TNNI3K: variants seen among roughly 807,000 people sequenced by gnomAD.
TNNI3K encodes the protein serine/threonine-protein kinase TNNI3K.
TNNI3K carries 140 observed loss-of-function variants against 114.5 expected under a neutral mutation model. The ratio of observed to expected loss-of-function variants is 1.22; its 90% CI spans 1.07 to 1.41. TNNI3K has a LOEUF of 1.41. Ranked by LOEUF, TNNI3K falls within the 40% of genes most tolerant of loss-of-function variation. TNNI3K has a pLI of 0.00. For synonymous variants in TNNI3K, 347 were observed against 347.5 expected (o/e 1.00, Z 0.02); for missense variants, 1,125 against 1,007.6 (o/e 1.12, Z -1.58).
intron 17 of TNNI3K, among the ~76,000 whole-genome samples, chr1:74,432,337 A>G (rs1298040567): frequency 6.6e-6 from 1 of 152,118 alleles, no homozygotes. Flanking sequence ...TATATAACAG[A>G]AGACTGCCTT....
intron 23 of TNNI3K, among the ~76,000 whole-genome samples, chr1:74,527,342 C>T (rs1200642578): frequency 6.6e-6 from 1 of 152,194 alleles, no homozygotes; most frequent in Admixed American, 6.5e-5. Flanking sequence ...GAGGAAACAT[C>T]ATTCATTCAT....
At chr1:74,471,913 T>C in intron 21 of TNNI3K, 1 of 499,612 alleles carries the variant, frequency 2.0e-6, no homozygotes, top group Non-Finnish European at 3.6e-6. Context: ...GATAAGAGAA[T>C]TGTTTGGCTG....
intron 23 of TNNI3K, 41 bp downstream of exon 23, chr1:74,492,307 T>C (rs199746321): frequency 1.5e-5 from 22 of 1,444,074 alleles, no homozygotes; most frequent in African/African-American, 2.8e-5. Context: ...AAAGTCTTAT[T>C]TCAGAATCTT....
chr1:74,251,687 G>A (rs1654936621), intron 4 of TNNI3K, among the ~76,000 whole-genome samples: 1 of 152,106 alleles, frequency 6.6e-6, no homozygotes, highest in African/African-American at 2.4e-5. Context: ...GTGGGAGGAG[G>A]GACAACTTTT....
chr1:74,292,239 A>G (rs1453513533), intron 5 of TNNI3K, among the ~76,000 whole-genome samples: 1 of 151,062 alleles, frequency 6.6e-6, no homozygotes, highest in East Asian at 1.9e-4. Context: ...TTTTTTAATC[A>G]ATTTCTGCTT....
chr1:74,481,508 G>T (rs536808451), intron 21 of TNNI3K, among the ~76,000 whole-genome samples: 1 of 152,314 alleles, frequency 6.6e-6, no homozygotes, highest in East Asian at 1.9e-4. Context: ...CTAGCCCCAG[G>T]CTAAAAGTTG....
chr1:74,400,123 T>G (rs1377323153), intron 17 of TNNI3K, among the ~76,000 whole-genome samples: 1 of 152,188 alleles, frequency 6.6e-6, no homozygotes, highest in African/African-American at 2.4e-5. Flanking sequence ...AAATTTATAA[T>G]GCAATCCTAT....
At chr1:74,514,601 G>A (rs1646321535) in intron 23 of TNNI3K, among the ~76,000 whole-genome samples, 1 of 152,094 alleles carries the variant, frequency 6.6e-6, no homozygotes, top group South Asian at 2.1e-4. Context: ...TTGAAGATGG[G>A]AAAACTGGTC....
intron 17 of TNNI3K, chr1:74,378,629 T>TATATATATATATATATATATAAA (rs1557531489): frequency 2.2e-5 from 3 of 135,786 alleles, no homozygotes; most frequent in African/African-American, 8.2e-5. Flanking sequence ...TATATATATA[T>TATATATATATATATATATATAAA]ATATATATAT....
intron 23 of TNNI3K, among the ~76,000 whole-genome samples, chr1:74,516,224 T>G (rs1646346234): frequency 6.6e-6 from 1 of 152,190 alleles, no homozygotes; most frequent in Non-Finnish European, 1.5e-5. Context: ...GAAAAAAAAT[T>G]TTGACTAATG....
At chr1:74,394,455 C>A (rs114755084) in intron 17 of TNNI3K, among the ~76,000 whole-genome samples, 2,273 of 152,146 alleles carry the variant, frequency 0.015, 59 homozygotes, top group African/African-American at 0.052. Flanking sequence ...AGACAAAGTG[C>A]CTTGAATAGG....
intron 23 of TNNI3K, among the ~76,000 whole-genome samples, chr1:74,511,857 G>A (rs535841993): frequency 2.0e-5 from 3 of 152,188 alleles, no homozygotes; most frequent in Non-Finnish European, 2.9e-5. Flanking sequence ...CAGGGACAAA[G>A]GCAGGAAAGT....
chr1:74,365,216 T>C (rs1438123202), intron 11 of TNNI3K, among the ~76,000 whole-genome samples: 1 of 152,110 alleles, frequency 6.6e-6, no homozygotes, highest in Non-Finnish European at 1.5e-5. Flanking sequence ...TTCTAACCTG[T>C]AGATGACGAT....
intron 23 of TNNI3K, among the ~76,000 whole-genome samples, chr1:74,523,080 T>A (rs554359326): frequency 6.6e-6 from 1 of 152,352 alleles, no homozygotes; most frequent in African/African-American, 2.4e-5. Context: ...GTATAGGTTC[T>A]GTCTGATTCC....
intron 17 of TNNI3K, among the ~76,000 whole-genome samples, chr1:74,377,356 A>G (rs1163973967): frequency 1.3e-5 from 2 of 152,030 alleles, no homozygotes; most frequent in Non-Finnish European, 2.9e-5. Context: ...ATGGCACAGA[A>G]TAGGTCCCAA....
intron 17 of TNNI3K, chr1:74,401,792 A>C (rs1199686716): frequency 2.2e-6 from 1 of 445,232 alleles, no homozygotes; most frequent in Non-Finnish European, 4.5e-6. Flanking sequence ...TAATTAATTC[A>C]AATCTCTTCT....
At chr1:74,314,818 G>A (rs977241216) in intron 5 of TNNI3K, among the ~76,000 whole-genome samples, 7 of 152,142 alleles carry the variant, frequency 4.6e-5, no homozygotes, top group Non-Finnish European at 8.8e-5. Context: ...TAATAGTGAA[G>A]AGACACCACA....
At chr1:74,345,959 T>C (rs1660977726) in intron 9 of TNNI3K, 1 of 152,218 alleles carries the variant, frequency 6.6e-6, no homozygotes, top group South Asian at 2.1e-4. Flanking sequence ...ATAAAAATCT[T>C]ATTTCCTTGC....
chr1:74,484,231 A>G (rs1319288652), intron 21 of TNNI3K, among the ~76,000 whole-genome samples: 1 of 150,614 alleles, frequency 6.6e-6, no homozygotes, highest in East Asian at 1.9e-4. Context: ...AAAAACAAGG[A>G]GCAAATTATA....
Sources: allele counts gnomAD v4.1 joint callset (sites outside exome capture counted in the v4.1 genomes callset), GRCh38; gene constraint gnomAD v4.1.1; transcripts MANE v1.5; gene names NCBI Gene and HGNC (gene_info 2026-07-23, HGNC 2026-07-21).